TAF2: variants seen among roughly 807,000 people sequenced by gnomAD.
TAF2 encodes the protein TATA-box binding protein associated factor 2, also known as transcription initiation factor TFIID subunit 2.
A neutral mutation model predicts 138.5 loss-of-function variants in TAF2; 61 were observed. That is an observed-to-expected ratio of 0.44 (90% CI 0.36 to 0.54). The LOEUF (loss-of-function observed/expected upper bound fraction) is 0.54. TAF2 is among the 20% of genes least tolerant of loss of function. The pLI, the probability that TAF2 is intolerant of heterozygous loss-of-function variation, is 0.00. For missense variants in TAF2, 1,090 were observed against 1,427.9 expected (o/e 0.76, Z 3.81); for synonymous variants, 475 against 469.9 (o/e 1.01, Z -0.14).
At chr8:119,779,249 G>GACACACAC (rs10636618) in intron 17 of TAF2, among the ~76,000 whole-genome samples, 4,209 of 147,320 alleles carry the variant, frequency 0.029, 88 homozygotes, top group African/African-American at 0.059. Flanking sequence ...CACAACCTAA[G>GACACACAC]ACACACACAC....
At chr8:119,798,747 A>T (rs1266526036) in intron 6 of TAF2, among the ~76,000 whole-genome samples, 4 of 152,184 alleles carry the variant, frequency 2.6e-5, no homozygotes, top group African/African-American at 4.8e-5. Context: ...AAGGCAAGGG[A>T]AATTTTTATC....
chr8:119,743,290 T>G (rs1284187389), intron 24 of TAF2, among the ~76,000 whole-genome samples: 4 of 149,740 alleles, frequency 2.7e-5, no homozygotes, highest in African/African-American at 9.9e-5. Context: ...TCTTAAAAAA[T>G]TCAAAAAAGA....
Position 119,744,333 on chromosome 8 carries a change from A to G in TAF2, c.3169T>C (p.Phe1057Leu). The change falls in exon 24 of 26, where the codon TTC becomes CTC. Residue 1057 changes from phenylalanine (F) to leucine (L), a missense_variant. Phe to Leu is a conservative substitution (Grantham distance 22). Around this residue, in one of 3 missense-constraint regions of TAF2, gnomAD observed 580 missense variants for 719.6 expected, o/e 0.81. Transcript: ENST00000378164. ...AGCATGTTTAAATGATGGGAAATGAAGGCCTGGCTATCATGAACAGTATCC... is the reference window on the plus strand; with the variant it reads ...AGCATGTTTAAATGATGGGAAATGAGGGCCTGGCTATCATGAACAGTATCC... ...DMDTVHDSQA[F>L]ISHHLNMLER... The G allele has an allele frequency of 6.2e-7, 1 of 1,613,852 alleles. No individual in the cohort carries two copies.
intron 22 of TAF2, among the ~76,000 whole-genome samples, chr8:119,752,855 A>C (rs1428556348): frequency 9.2e-5 from 14 of 152,200 alleles, no homozygotes; most frequent in Admixed American, 9.2e-4. Flanking sequence ...GAGAGAAATA[A>C]ATTAATATAA....
intron 2 of TAF2, among the ~76,000 whole-genome samples, chr8:119,825,992 C>T (rs1563931023): frequency 6.6e-6 from 1 of 151,892 alleles, no homozygotes; most frequent in African/African-American, 2.4e-5. Flanking sequence ...GTGCCTGGCC[C>T]TGATGGTTTT....
intron 18 of TAF2, among the ~76,000 whole-genome samples, chr8:119,765,179 CAG>C (rs1429745578): frequency 1.3e-5 from 2 of 152,004 alleles, no homozygotes; most frequent in Non-Finnish European, 2.9e-5. Context: ...GACTGTGACA[CAG>C]AGACACAATT....
intron 18 of TAF2, among the ~76,000 whole-genome samples, chr8:119,768,736 T>C (rs959854221): frequency 6.6e-6 from 1 of 152,338 alleles, no homozygotes; most frequent in African/African-American, 2.4e-5. Flanking sequence ...CCCACCTGCA[T>C]GTGCCAAAAG....
In TAF2 at chr8:119,818,169, G is replaced by A. The variant is rs189739798; in HGVS notation, c.299+1177C>T. On this transcript the variant is annotated intron_variant, in intron 3 of 25. Transcript: ENST00000378164. Reference sequence around the variant, plus strand: ...CTTATGGCAGTGGTTCTCAAGCTTCGGTCTGTATCAGAATCACCTGGCAAG... The same window carrying A: ...CTTATGGCAGTGGTTCTCAAGCTTCAGTCTGTATCAGAATCACCTGGCAAG... Among the ~76,000 whole-genome samples the A allele has an allele frequency of 3.4e-3, 524 of 152,212 alleles. 2 individuals are homozygous for A. Among genetic ancestry groups the A allele is most frequent in the Admixed American group, 6.6e-3 (101 of 15,290 alleles).
In TAF2 at chr8:119,819,380, G is replaced by C. The variant is rs1488443557; in HGVS notation, c.265C>G (p.Pro89Ala). The change falls in exon 3 of 26, where the codon CCA becomes GCA. Residue 89 changes from proline (P) to alanine (A), a missense_variant. Pro to Ala is a conservative substitution (Grantham distance 27). This residue lies in a region of TAF2 where 504 missense variants were observed against 680.9 expected (regional missense o/e 0.74). Coordinates refer to ENST00000378164, the MANE Select transcript of TAF2 (RefSeq NM_003184.4). ...TCACTGTGACAAACTTCCAAGGTTG[G>C]GTCATTATAAATAAAAGCAGCCTCT... Reference protein sequence around the residue: ...DLEAAFIYNDPTLEVCHSESK... With the variant: ...DLEAAFIYNDATLEVCHSESK... 3.7e-6 allele frequency: 6 copies of C among 1,612,772 alleles called. No homozygotes were observed. The African/African-American group carries it at 4.0e-5, about 11-fold the overall frequency.
intron 2 of TAF2, among the ~76,000 whole-genome samples, chr8:119,830,539 T>A (rs1206120291): frequency 6.6e-6 from 1 of 152,156 alleles, no homozygotes; most frequent in Non-Finnish European, 1.5e-5. Context: ...ATATAAGATA[T>A]AAGGTACATA....
chr8:119,743,971 A>C (rs1025665900), intron 24 of TAF2, among the ~76,000 whole-genome samples: 1 of 152,176 alleles, frequency 6.6e-6, no homozygotes, highest in African/African-American at 2.4e-5. Flanking sequence ...TAAAAAAATT[A>C]ATGTAACTAT....
intron 24 of TAF2, 56 bp downstream of exon 24, chr8:119,744,232 T>C: frequency 7.1e-7 from 1 of 1,410,032 alleles, no homozygotes; most frequent in Non-Finnish European, 1.0e-6. Flanking sequence ...CACATTAGAA[T>C]ACTGACATCA....
At chr8:119,780,307 A>G (rs1324666926) in intron 17 of TAF2, among the ~76,000 whole-genome samples, 1 of 152,216 alleles carries the variant, frequency 6.6e-6, no homozygotes, top group Non-Finnish European at 1.5e-5. Context: ...CATAGCATAA[A>G]ACACTTTACA....
At position 119,758,132 on chromosome 8, in the gene TAF2, A is replaced by C. The variant is rs137940227; in HGVS notation, c.2709T>G (p.Ser903Arg). ...TAAGTAGCCATTGCAGTTCTTCATA[A>C]CTTCTGTCCACTGAAAATAAAAGAA... ...AVVDYTKVDR[S>R]YEELQWLLNM... is the part of the protein sequence containing the mutation. The change falls in exon 21 of 26, where the codon AGT (serine) becomes AGG (arginine). Residue 903 changes from serine (S) to arginine (R), a missense_variant. Ser to Arg is a moderately radical substitution (Grantham distance 110). Around this residue, in one of 3 missense-constraint regions of TAF2, gnomAD observed 580 missense variants for 719.6 expected, o/e 0.81. Transcript: ENST00000378164. 155 of 1,611,388 alleles carry C rather than the reference A, an allele frequency of 9.6e-5. No homozygotes were observed. Among genetic ancestry groups the C allele is most frequent in the Non-Finnish European group, 1.3e-4 (152 of 1,178,426 alleles).
intron 17 of TAF2, among the ~76,000 whole-genome samples, chr8:119,780,070 G>C (rs967822965): frequency 6.6e-6 from 1 of 152,020 alleles, no homozygotes; most frequent in Non-Finnish European, 1.5e-5. Flanking sequence ...AATCTTGAAA[G>C]AATAGGCTTC....
rs2130959285 is a variant in TAF2 at position 119,731,923 on chromosome 8, C to T, written c.*1G>A. 1 of 1,613,926 alleles carries T rather than the reference C, an allele frequency of 6.2e-7. No homozygotes were observed. The highest frequency in any genetic ancestry group is 2.2e-5 in the East Asian group (1 of 44,884). On this transcript the variant is annotated 3_prime_UTR_variant, in exon 26 of 26. Transcript: ENST00000378164. ...AAAGGAAAGGTCTTTTTGTCCCCTTCTCAGTCTGAAAGGGAAGGAGAACGA... is the reference window on the plus strand; with the variant it reads ...AAAGGAAAGGTCTTTTTGTCCCCTTTTCAGTCTGAAAGGGAAGGAGAACGA...
At position 119,770,944 on chromosome 8, in the gene TAF2, A is replaced by G. The variant is rs542518723; in HGVS notation, c.2364+7075T>C. 1.4e-3 allele frequency among the ~76,000 whole-genome samples: 212 copies of G among 152,132 alleles called. 1 individual carries two copies. The highest frequency in any genetic ancestry group is 4.9e-3 in the African/African-American group (205 of 41,538). ...AAATTAGCTGGGCCTGGTGGCATGC[A>G]CCTGTAGTCCCAGCTACACAGGAGG... On this transcript the variant is annotated intron_variant, in intron 18 of 25. Coordinates refer to ENST00000378164, the MANE Select transcript of TAF2 (RefSeq NM_003184.4).
chr8:119,825,336 T>C lies in TAF2; in HGVS notation c.139-5830A>G, dbSNP rs543461345. ...ATTTACCCATTGCCTGTACTCTCAT[T>C]GTATCTAGGCAGTAACTAACTTGCT... On this transcript the variant is annotated intron_variant, in intron 2 of 25. Transcript: ENST00000378164. 4.6e-5 allele frequency among the ~76,000 whole-genome samples: 7 copies of C among 152,382 alleles called. No homozygotes were observed. The South Asian group carries it at 1.4e-3, about 32-fold the overall frequency.
intron 3 of TAF2, among the ~76,000 whole-genome samples, chr8:119,811,816 A>AT (rs1344705878): frequency 2.6e-5 from 4 of 151,526 alleles, no homozygotes; most frequent in African/African-American, 7.3e-5. Flanking sequence ...AAAAAAAAAA[A>AT]AAAAAAAAAA....
Sources: allele counts gnomAD v4.1 joint callset (sites outside exome capture counted in the v4.1 genomes callset), GRCh38; gene constraint gnomAD v4.1.1; regional missense constraint gnomAD v4.1.1; transcripts MANE v1.5; gene names NCBI Gene and HGNC (gene_info 2026-07-23, HGNC 2026-07-21).